Variants in DCHS1 observed in about 807,000 individuals in gnomAD.
DCHS1 encodes protocadherin-16.
In DCHS1, 78 loss-of-function variants were observed where a neutral mutation model predicts 213.9. The ratio of observed to expected loss-of-function variants is 0.36; its 90% confidence interval spans 0.30 to 0.44. DCHS1 has a LOEUF of 0.44. Among genes scored for constraint, DCHS1 ranks in the 20% least tolerant of loss-of-function variants. DCHS1 has a pLI of 1.00. For synonymous variants in DCHS1, 1,828 were observed against 1,873.7 expected, an observed-to-expected ratio of 0.98 and a Z score of 0.63; for missense variants, 3,946 against 4,395.9, an observed-to-expected ratio of 0.90 and a Z score of 2.89.
Position 6,629,504 on chromosome 11 carries a change from G to C in DCHS1, c.5109C>G (p.Leu1703=), listed in dbSNP as rs752434610. ...SFSLDPDTGV[L]TTLRALDREE... ...CTCGATCCAGGGCCCGAAGAGTCGT[G>C]AGAACACCAGTGTCAGGATCCAGAG... is the stretch of plus-strand genomic sequence containing the variant. Residue 1703 remains leucine, a synonymous_variant, in exon 12 of 21, where the codon CTC becomes CTG. Coordinates refer to ENST00000299441, the MANE Select transcript of DCHS1 (RefSeq NM_003737.4). 14 of 1,613,268 alleles carry C rather than the reference G, an allele frequency of 8.7e-6. No individual in the cohort carries two copies. The highest frequency in any genetic ancestry group is 1.2e-5 in the Non-Finnish European group (14 of 1,179,666).
Position 6,621,405 on chromosome 11 carries a change from C to T in DCHS1, c.*374G>A. 1 of 375,876 alleles carries T rather than the reference C, an allele frequency of 2.7e-6. No individual in the cohort carries two copies. The highest frequency in any genetic ancestry group is 5.2e-6 in the Non-Finnish European group (1 of 193,834). The allele number at this position is 375,876 out of a possible 1,614,324, so 23.3% of individuals were successfully genotyped here. A position where few individuals can be genotyped will look rare whatever the true frequency, so the allele number is the denominator to read the frequency against. On this transcript the variant is annotated 3_prime_UTR_variant, in exon 21 of 21. Coordinates refer to ENST00000299441, the MANE Select transcript of DCHS1 (RefSeq NM_003737.4). ...TGGGCAGGGGCAGGGGCAGGGGTGT[C>T]AGTGGAACCCAAAGGAGCTGGGTCC...
At position 6,625,981 on chromosome 11, in the gene DCHS1, G is replaced by A. The variant is rs1399416496; in HGVS notation, c.6670C>T (p.Pro2224Ser). The change falls in exon 17 of 21, where the codon CCA becomes TCA. Residue 2224 changes from proline (P) to serine (S), a missense_variant. Pro to Ser is a moderately conservative substitution (Grantham distance 74). This residue lies in a region of DCHS1 where 3,384 missense variants were observed against 3,780.1 expected (regional missense o/e 0.90). Coordinates refer to ENST00000299441, the MANE Select transcript of DCHS1 (RefSeq NM_003737.4). The surrounding 1 kb of genome is among the most constrained non-coding windows in gnomAD (Gnocchi z 5.3). ...GTGGTAGTGATAGTGCCTGTGGTTGGGTCTACGTGGAACAATCCACGTGCC... is the reference window on the plus strand; with the variant it reads ...GTGGTAGTGATAGTGCCTGTGGTTGAGTCTACGTGGAACAATCCACGTGCC... ...QPARGLFHVD[P>S]TTGTITTTAI... 1 of 1,613,412 alleles carries A rather than the reference G, an allele frequency of 6.2e-7. No individual in the cohort carries two copies. Among genetic ancestry groups the A allele is most frequent in the South Asian group, 1.1e-5 (1 of 90,900 alleles).
At chr11:6,651,307 T>C (rs995472569) in intron 1 of DCHS1, among the ~76,000 whole-genome samples, 2 of 152,054 alleles carry the variant, frequency 1.3e-5, no homozygotes, top group African/African-American at 4.8e-5. Flanking sequence ...CAGAGCAGTA[T>C]GTGCAAAGGG....
rs753640052 is a variant in DCHS1, at chr11:6,630,834, C to T, written c.3960G>A (p.Pro1320=). The T allele has an allele frequency of 1.3e-6, 2 of 1,527,720 alleles. No homozygotes were observed. The highest frequency in any genetic ancestry group is 2.1e-5 in the Admixed American group (1 of 48,194). 94.6% of individuals were successfully genotyped at this position (1,527,720 alleles called of 1,614,324 possible). The change falls in exon 10 of 21, where the codon CCG becomes CCA. Residue 1320 remains proline, a synonymous_variant. Transcript: ENST00000299441. ...QVLPSARLAE[P]PPDLAERDPA... The stretch of plus-strand genomic sequence containing the variant: ...GGTCCCGCTCTGCGAGATCTGGGGG[C>T]GGCTCGGCCAAGCGAGCTGAGGGAA...
intron 2 of DCHS1, among the ~76,000 whole-genome samples, chr11:6,637,343 A>T (rs1855999903): frequency 6.6e-6 from 1 of 152,162 alleles, no homozygotes; most frequent in South Asian, 2.1e-4. Context: ...TCTCCCACCC[A>T]TTGTGACAAT....
rs1855811302 is a variant in DCHS1, at chr11:6,626,766, G to A, written c.6250+23C>T. 1 of 1,609,052 alleles carries A rather than the reference G, an allele frequency of 6.2e-7. No homozygotes were observed. Among genetic ancestry groups the A allele is most frequent in the South Asian group, 1.1e-5 (1 of 90,984 alleles). On this transcript the variant is annotated intron_variant, in intron 14 of 20. Transcript: ENST00000299441. The surrounding 1 kb of genome is among the most constrained non-coding windows in gnomAD (Gnocchi z 5.2). The stretch of plus-strand genomic sequence containing the variant: ...CCAGCCCATTTGGGAGTCTGAATCT[G>A]GAAGAAATGGCTGGGGACCCACCTG...
Position 6,629,733 on chromosome 11 carries a change from C to G in DCHS1, c.4974G>C (p.Leu1658Phe), listed in dbSNP as rs1189964776. The G allele has an allele frequency of 6.2e-7, 1 of 1,613,802 alleles. No individual in the cohort carries two copies. Among genetic ancestry groups the G allele is most frequent in the African/African-American group, 1.3e-5 (1 of 74,954 alleles). ...TFQQQEYSVL[L>F]RENNPPGTSL... ...ATGTGCCAGGAGGGTTGTTCTCACGCAAGAGGACGCTGTACTCCTGCTGCT... is the reference window on the plus strand; with the variant it reads ...ATGTGCCAGGAGGGTTGTTCTCACGGAAGAGGACGCTGTACTCCTGCTGCT... Residue 1658 changes from leucine (L) to phenylalanine (F), a missense_variant, in exon 11 of 21, where the codon TTG becomes TTC. Transcript: ENST00000299441.
Position 6,623,173 on chromosome 11 carries a change from C to G in DCHS1, c.8503G>C (p.Val2835Leu), listed in dbSNP as rs746286141. Residue 2835 changes from valine (V) to leucine (L), a missense_variant, in exon 21 of 21, where the codon GTG (valine) becomes CTG (leucine). Around this residue, in one of 3 missense-constraint regions of DCHS1, gnomAD observed 3,384 missense variants for 3,780.1 expected, o/e 0.90. Coordinates refer to ENST00000299441, the MANE Select transcript of DCHS1 (RefSeq NM_003737.4). ...GARRGHSLGH[V>L]QATDEDGGAD... ...CCCCCATCCTCATCTGTGGCCTGCA[C>G]GTGACCCAAGCTGTGGCCACGCCGG... 2 of 1,607,774 alleles carry G rather than the reference C, an allele frequency of 1.2e-6. No homozygotes were observed. Among genetic ancestry groups the G allele is most frequent in the Non-Finnish European group, 1.7e-6 (2 of 1,177,122 alleles).
chr11:6,653,321 G>C (rs1856271030), intron 1 of DCHS1, among the ~76,000 whole-genome samples: 1 of 152,050 alleles, frequency 6.6e-6, no homozygotes, highest in Non-Finnish European at 1.5e-5. Flanking sequence ...ACTTCCTCCA[G>C]AAAGACTCTT....
rs1387257472 is a variant in DCHS1, at chr11:6,625,282, C to A, written c.7062G>T (p.Gly2354=). Residue 2354 remains glycine (G), a synonymous_variant, in exon 19 of 21, where the codon GGG becomes GGT. Transcript: ENST00000299441. This position sits in a 1 kb window ranked among gnomAD's most constrained non-coding sequence, Gnocchi z 5.3. ...RYQLQLLAHD[G]PHEGRANLTV... ...TGAGGTTGGCACGGCCCTCATGAGGCCCATCATGTGCCAGCAGCTGCAGCT... is the reference window on the plus strand; with the variant it reads ...TGAGGTTGGCACGGCCCTCATGAGGACCATCATGTGCCAGCAGCTGCAGCT... 9 of 1,613,724 alleles carry A rather than the reference C, an allele frequency of 5.6e-6. No homozygotes were observed. Among genetic ancestry groups the A allele is most frequent in the Non-Finnish European group, 7.6e-6 (9 of 1,179,856 alleles).
At position 6,639,757 on chromosome 11, in the gene DCHS1, G is replaced by A; in HGVS notation, c.1797+60C>T. On this transcript the variant is annotated intron_variant, in intron 2 of 20. Coordinates refer to ENST00000299441, the MANE Select transcript of DCHS1 (RefSeq NM_003737.4). ...TTGTAAGGCTTGGTTCCTGCTCTGAGGTCCCCTGTGGCTCTCAGATTCCCC... is the reference window on the plus strand; with the variant it reads ...TTGTAAGGCTTGGTTCCTGCTCTGAAGTCCCCTGTGGCTCTCAGATTCCCC... The A allele has an allele frequency of 4.9e-6, 7 of 1,419,864 alleles. No individual in the cohort carries two copies. The South Asian group carries it at 9.5e-5, about 19-fold the overall frequency. 88.0% of individuals were successfully genotyped at this position (1,419,864 alleles called of 1,614,324 possible).
rs1297514372 is a variant in DCHS1, at chr11:6,633,565, G to C, written c.2302C>G (p.Leu768Val). 3 of 1,592,032 alleles carry C rather than the reference G, an allele frequency of 1.9e-6. No homozygotes were observed. The highest frequency in any genetic ancestry group is 2.6e-6 in the Non-Finnish European group (3 of 1,169,154). The stretch of plus-strand genomic sequence containing the variant: ...ACTCGGGCACTGGGTTCTGCCTGTA[G>C]GCCACCTCCGTCCTCAGCCCCGATC... The part of the protein sequence containing the change: ...LEIGAEDGGG[L>V]QAEPSARVDI... Residue 768 changes from leucine (L) to valine (V), a missense_variant, in exon 5 of 21, where the codon CTA becomes GTA. Leu to Val is a conservative substitution (Grantham distance 32). Transcript: ENST00000299441.
chr11:6,653,347 TGG>T (rs1856271687), intron 1 of DCHS1, among the ~76,000 whole-genome samples: 1 of 152,222 alleles, frequency 6.6e-6, no homozygotes, highest in Non-Finnish European at 1.5e-5. Flanking sequence ...CTCCCTACAC[TGG>T]CCTAGGTTAC....
At position 6,641,174 on chromosome 11, in the gene DCHS1, C is replaced by G. The variant is rs755687394; in HGVS notation, c.440G>C (p.Arg147Pro). ...NDHAPAFPQA[R>P]AALQVPEHTA... Reference sequence around the variant, plus strand: ...ATGCTCAGGTACCTGCAGGGCAGCCCGAGCCTGTGGGAAGGCTGGAGCATG... The same window carrying G: ...ATGCTCAGGTACCTGCAGGGCAGCCGGAGCCTGTGGGAAGGCTGGAGCATG... Residue 147 changes from arginine (R) to proline (P), a missense_variant, in exon 2 of 21, where the codon CGG (arginine) becomes CCG (proline). Coordinates refer to ENST00000299441, the MANE Select transcript of DCHS1 (RefSeq NM_003737.4). This position sits in a 1 kb window ranked among gnomAD's most constrained non-coding sequence, Gnocchi z 7.1. 6.2e-7 allele frequency: 1 copy of G among 1,613,096 alleles called. No homozygotes were observed. Among genetic ancestry groups the G allele is most frequent in the South Asian group, 1.1e-5 (1 of 91,054 alleles).
At position 6,623,056 on chromosome 11, in the gene DCHS1, T is replaced by C; in HGVS notation, c.8620A>G (p.Ser2874Gly). Residue 2874 changes from serine (S) to glycine (G), a missense_variant, in exon 21 of 21, where the codon AGT (serine) becomes GGT (glycine). By Grantham distance (56) the Ser-to-Gly change is moderately conservative. Around this residue, in one of 3 missense-constraint regions of DCHS1, gnomAD observed 554 missense variants for 590.2 expected, o/e 0.94. Transcript: ENST00000299441. ...TTGALYLRVD[S>G]RAPGSGTATS... ...GCTGTTCCGCTGCCTGGTGCCCGAC[T>C]GTCCACCCGCAGGTACAGGGCTCCT... The C allele has an allele frequency of 6.3e-7, 1 of 1,581,454 alleles. No individual in the cohort carries two copies. The highest frequency in any genetic ancestry group is 8.6e-7 in the Non-Finnish European group (1 of 1,164,034).
Position 6,628,509 on chromosome 11 carries a change from A to C in DCHS1, c.5371+112T>G. 5 of 1,211,712 alleles carry C rather than the reference A, an allele frequency of 4.1e-6. No homozygotes were observed. The highest frequency in any genetic ancestry group is 6.0e-6 in the Non-Finnish European group (5 of 834,484). The allele number at this position is 1,211,712 out of a possible 1,614,324, so 75.1% of individuals were successfully genotyped here. ...AAGCATGAAAGAAAAGGTGGACGACATCAAGAGGGAAAAGGAGACCCAGAC... is the reference window on the plus strand; with the variant it reads ...AAGCATGAAAGAAAAGGTGGACGACCTCAAGAGGGAAAAGGAGACCCAGAC... On this transcript the variant is annotated intron_variant, in intron 13 of 20. Transcript: ENST00000299441. The surrounding 1 kb of genome is among the most constrained non-coding windows in gnomAD (Gnocchi z 4.3).
In DCHS1 at chr11:6,632,894, G is replaced by C. The variant is rs1394642107; in HGVS notation, c.2618C>G (p.Pro873Arg). 4 of 1,613,896 alleles carry C rather than the reference G, an allele frequency of 2.5e-6. No homozygotes were observed. The Admixed American group carries it at 6.7e-5, about 27-fold the overall frequency. ...ACGCACCCGAGCTACAGCGAAAGCTGGGGGCACTCCACTGCCTGCTCGCAC... is the reference window on the plus strand; with the variant it reads ...ACGCACCCGAGCTACAGCGAAAGCTCGGGGCACTCCACTGCCTGCTCGCAC... The part of the protein sequence containing the change: ...LEVRAGSGVP[P>R]AFAVARVRVL... Residue 873 changes from proline (P) to arginine (R), a missense_variant, in exon 6 of 21, where the codon CCA becomes CGA. This residue lies in a region of DCHS1 where 3,384 missense variants were observed against 3,780.1 expected (regional missense o/e 0.90). Coordinates refer to ENST00000299441, the MANE Select transcript of DCHS1 (RefSeq NM_003737.4). The surrounding 1 kb of genome is among the most constrained non-coding windows in gnomAD (Gnocchi z 5.9).
At chr11:6,647,735 T>C (rs1856185013) in intron 1 of DCHS1, among the ~76,000 whole-genome samples, 1 of 152,176 alleles carries the variant, frequency 6.6e-6, no homozygotes. Context: ...CAGGACTATG[T>C]AGTCTATGTT....
chr11:6,655,551 G>C lies in DCHS1; in HGVS notation c.-121+12C>G. 1 of 981,060 alleles carries C rather than the reference G, an allele frequency of 1.0e-6. No homozygotes were observed. The highest frequency in any genetic ancestry group is 1.2e-6 in the Non-Finnish European group (1 of 828,214). 60.8% of individuals were successfully genotyped at this position (981,060 alleles called of 1,614,324 possible). A position where few individuals can be genotyped will look rare whatever the true frequency, so the allele number is the denominator to read the frequency against. ...GCGCGGCCAGACGGGCCGGGCGGGC[G>C]CGGGCACTGACCTCCGCGCGACGCG... On this transcript the variant is annotated intron_variant, in intron 1 of 20. Coordinates refer to ENST00000299441, the MANE Select transcript of DCHS1 (RefSeq NM_003737.4).
Sources: gnomAD v4.1 joint callset for allele counts (sites outside exome capture counted in the v4.1 genomes callset) on GRCh38, gnomAD v4.1.1 for gene constraint, gnomAD v4.1.1 regional missense constraint, Gnocchi (gnomAD v3.1) non-coding constraint, MANE v1.5 for transcripts, NCBI Gene and HGNC (gene_info 2026-07-23, HGNC 2026-07-21) for gene names.